The following RAB3IL1 variants were observed in gnomAD, a reference collection of about 807,000 sequenced individuals.
The protein encoded by RAB3IL1 is RAB3A interacting protein like 1.
RAB3IL1 carries 37 observed loss-of-function variants against 49.2 expected under a neutral mutation model. The ratio of observed to expected loss-of-function variants is 0.75; its 90% confidence interval spans 0.58 to 0.99. The LOEUF (loss-of-function observed/expected upper bound fraction) is 0.99, where lower values mean the gene tolerates loss of function less well. Ranked by LOEUF, RAB3IL1 falls within the 50% of genes least tolerant of loss-of-function variation. RAB3IL1 has a pLI of 0.00. For missense variants in RAB3IL1, 484 were observed against 513.0 expected (o/e 0.94, Z 0.55); for synonymous variants, 193 against 213.9 (o/e 0.90, Z 0.85).
the RAB3IL1 span, among the ~76,000 whole-genome samples, chr11:61,929,535 AT>A: frequency 6.6e-6 from 1 of 151,886 alleles, no homozygotes; most frequent in Admixed American, 6.6e-5. Context: ...TTAAAAAAAA[AT>A]GTATGATCTG....
Position 61,904,615 on chromosome 11 carries a change from G to A in RAB3IL1, c.830C>T (p.Thr277Ile). ...VRAAVEDNTL[T>I]IEPVASQTLP... ...CGTCTGCGAAGCCACCGGCTCAATG[G>A]TGAGCGTGTTGTCCTCCACGGCGGC... The change falls in exon 7 of 10, where the codon ACC becomes ATC. Residue 277 changes from threonine to isoleucine, a missense_variant. Transcript: ENST00000394836. The A allele has an allele frequency of 6.2e-7, 1 of 1,613,324 alleles. No individual in the cohort carries two copies. Among genetic ancestry groups the A allele is most frequent in the South Asian group, 1.1e-5 (1 of 90,866 alleles).
the RAB3IL1 span, among the ~76,000 whole-genome samples, chr11:61,930,969 A>C: frequency 3.3e-5 from 5 of 152,210 alleles, no homozygotes; most frequent in African/African-American, 1.2e-4. Context: ...GCTACAGGGG[A>C]AAATAGACAC....
chr11:61,923,591 C>CAA (rs1422512095), upstream of RAB3IL1, among the ~76,000 whole-genome samples: 1 of 152,100 alleles, frequency 6.6e-6, no homozygotes, highest in Admixed American at 6.5e-5. Context: ...GGGTAAGCCC[C>CAA]AAAAACATGT....
intron 8 of RAB3IL1, among the ~76,000 whole-genome samples, chr11:61,902,005 G>A (rs1938940711): frequency 6.6e-6 from 1 of 152,176 alleles, no homozygotes; most frequent in African/African-American, 2.4e-5. Context: ...CTCTGAGCCT[G>A]TACCCTGCTC....
At chr11:61,901,650 C>G (rs1195499670) in intron 8 of RAB3IL1, among the ~76,000 whole-genome samples, 2 of 152,222 alleles carry the variant, frequency 1.3e-5, no homozygotes, top group Admixed American at 1.3e-4. Context: ...CAACAAGGCC[C>G]TGTGGCAGGG....
chr11:61,928,341 C>CT, the RAB3IL1 span, among the ~76,000 whole-genome samples: 1 of 152,122 alleles, frequency 6.6e-6, no homozygotes, highest in African/African-American at 2.4e-5. Flanking sequence ...CTACATGGTG[C>CT]TAGGACCCTC....
chr11:61,899,755 G>A, intron 8 of RAB3IL1: 1 of 204,848 alleles, frequency 4.9e-6, no homozygotes, highest in Non-Finnish European at 1.0e-5. Context: ...CTGTCCCGGA[G>A]TCTACACTCG....
chr11:61,917,273 G>A (rs1044413687), intron 1 of RAB3IL1, 84 bp downstream of exon 1: 16 of 1,339,574 alleles, frequency 1.2e-5, no homozygotes, highest in South Asian at 1.8e-5. Flanking sequence ...GCGCAGACCC[G>A]GCGGGGACCC....
At chr11:61,932,017 T>C in the RAB3IL1 span, among the ~76,000 whole-genome samples, 2 of 152,118 alleles carry the variant, frequency 1.3e-5, no homozygotes, top group Non-Finnish European at 2.9e-5. Flanking sequence ...TTTGGGAGGC[T>C]GAGGCAGGCA....
the RAB3IL1 span, among the ~76,000 whole-genome samples, chr11:61,928,359 A>G: frequency 1.3e-5 from 2 of 152,234 alleles, no homozygotes; most frequent in Admixed American, 1.3e-4. Flanking sequence ...CTCCAAATAC[A>G]TGGAGCTAGG....
At chr11:61,900,346 G>A (rs573724585) in intron 8 of RAB3IL1, among the ~76,000 whole-genome samples, 24 of 152,352 alleles carry the variant, frequency 1.6e-4, no homozygotes, top group African/African-American at 5.3e-4. Flanking sequence ...GTGCCCGCCC[G>A]CAACAGCCCC....
the RAB3IL1 span, among the ~76,000 whole-genome samples, chr11:61,926,478 G>C: frequency 6.6e-6 from 1 of 151,894 alleles, no homozygotes; most frequent in Non-Finnish European, 1.5e-5. Context: ...GGGCCTTGTG[G>C]GAGGTGTTTG....
At position 61,904,795 on chromosome 11, in the gene RAB3IL1, G is replaced by A. The variant is rs1281765508; in HGVS notation, c.745C>T (p.Arg249Ter). ...TCCAGGCAGGGGCCCACGTCCTCTC[G>A]GTACACCCTTTCCAGGAAGGGGCAG... ...KTCPFLERVY[R>*]EDVGPCLDFT... The change falls in exon 6 of 10, where the codon CGA (arginine) becomes TGA (stop). Residue 249 changes from arginine (R) to a stop codon, truncating the protein, a stop_gained. Transcript: ENST00000394836. LOFTEE classifies it high-confidence loss of function. 9.9e-6 allele frequency: 16 copies of A among 1,610,824 alleles called. No individual in the cohort carries two copies. Among genetic ancestry groups the A allele is most frequent in the South Asian group, 3.3e-5 (3 of 90,364 alleles).
the RAB3IL1 span, chr11:61,945,910 G>T: frequency 3.6e-5 from 25 of 702,048 alleles, no homozygotes; most frequent in African/African-American, 4.7e-4. Flanking sequence ...GTTTGATGAA[G>T]TTGGACCTAG....
chr11:61,921,054 G>A (rs181050303), upstream of RAB3IL1, among the ~76,000 whole-genome samples: 1 of 151,680 alleles, frequency 6.6e-6, no homozygotes, highest in Non-Finnish European at 1.5e-5. Context: ...GCAGGGTCTC[G>A]CTCCGTCACC....
At chr11:61,920,479 C>T (rs1268963754), upstream of RAB3IL1, among the ~76,000 whole-genome samples, 1 of 152,214 alleles carries the variant, frequency 6.6e-6, no homozygotes, top group African/African-American at 2.4e-5. Flanking sequence ...TTCAGCCAGG[C>T]TCCCAGATGG....
At chr11:61,934,446 G>GTGTGTGTGTGTGTA in the RAB3IL1 span, among the ~76,000 whole-genome samples, 2 of 24,408 alleles carry the variant, frequency 8.2e-5, no homozygotes, top group Non-Finnish European at 1.2e-4. Context: ...GTGTGTGTGT[G>GTGTGTGTGTGTGTA]TATGTATATA....
At chr11:61,943,923 GT>G in the RAB3IL1 span, among the ~76,000 whole-genome samples, 1 of 152,134 alleles carries the variant, frequency 6.6e-6, no homozygotes, top group African/African-American at 2.4e-5. Context: ...TGATAACCTT[GT>G]TTGGGAGTTT....
At position 61,899,265 on chromosome 11, in the gene RAB3IL1, G is replaced by A. The variant is rs149104663; in HGVS notation, c.1066+49C>T. 6,755 of 1,567,928 alleles carry A rather than the reference G, an allele frequency of 4.3e-3. 369 individuals carry two copies. In the Admixed American group the frequency reaches 0.11, roughly 25 times the overall value. On this transcript the variant is annotated intron_variant, in intron 9 of 9. Transcript: ENST00000394836. ...GGCCCAGAGGGCACTTCCCCATCCA[G>A]CCCCACTCCCGTGTGCGATCCCTGC...
Sources: allele counts gnomAD v4.1 joint callset (sites outside exome capture counted in the v4.1 genomes callset), GRCh38; gene constraint gnomAD v4.1.1; transcripts MANE v1.5; gene names NCBI Gene and HGNC (gene_info 2026-07-23, HGNC 2026-07-21).